The following FHOD3 variants were observed in gnomAD, a reference collection of about 807,000 sequenced individuals.
FHOD3 encodes FH1/FH2 domain-containing protein 3.
A neutral mutation model predicts 173.0 loss-of-function variants in FHOD3; 90 were observed. The ratio of observed to expected loss-of-function variants is 0.52; its 90% CI spans 0.44 to 0.62. The LOEUF is 0.62. Ranked by LOEUF, FHOD3 falls within the 20% of genes least tolerant of loss-of-function variation. The probability of loss-of-function intolerance (pLI) is 0.00; values close to 1 mark genes in which losing one functional copy is unlikely to be tolerated. For synonymous variants in FHOD3, 828 were observed against 823.0 expected, an observed-to-expected ratio of 1.01 and a Z score of -0.10; for missense variants, 1,945 against 2,034.7, an observed-to-expected ratio of 0.96 and a Z score of 0.85.
intron 10 of FHOD3, 103 bp from the exon 11 acceptor site, chr18:36,649,213 G>T: frequency 7.7e-6 from 5 of 649,194 alleles, no homozygotes; most frequent in Non-Finnish European, 1.3e-5. Flanking sequence ...TTTCGTTGTT[G>T]TTGTTGTTGT....
At chr18:36,672,752 G>T (rs1413602980) in intron 14 of FHOD3, among the ~76,000 whole-genome samples, 1 of 152,204 alleles carries the variant, frequency 6.6e-6, no homozygotes, top group Non-Finnish European at 1.5e-5. Flanking sequence ...GTCTGCTAAA[G>T]ATTTATTGTG....
At chr18:36,672,258 C>A (rs1269154600) in intron 14 of FHOD3, among the ~76,000 whole-genome samples, 1 of 152,196 alleles carries the variant, frequency 6.6e-6, no homozygotes, top group Non-Finnish European at 1.5e-5. Context: ...CTGTTTCAGT[C>A]AGCTTTTAAC....
intron 6 of FHOD3, among the ~76,000 whole-genome samples, chr18:36,591,628 A>T (rs1360024896): frequency 6.6e-6 from 1 of 152,186 alleles, no homozygotes; most frequent in African/African-American, 2.4e-5. Flanking sequence ...AAGGACGTGG[A>T]TAGAAAAGGC....
At chr18:36,425,934 T>G (rs2050218845) in intron 3 of FHOD3, among the ~76,000 whole-genome samples, 1 of 151,438 alleles carries the variant, frequency 6.6e-6, no homozygotes, top group Admixed American at 6.6e-5. Context: ...GAAATCTTGC[T>G]CTGTAGCCCA....
At chr18:36,538,487 A>T (rs1386621911) in intron 5 of FHOD3, among the ~76,000 whole-genome samples, 1 of 152,254 alleles carries the variant, frequency 6.6e-6, no homozygotes, top group Non-Finnish European at 1.5e-5. Context: ...GATAGGGTAT[A>T]TTCCTACAGA....
chr18:36,712,085 C>A (rs2040199664), intron 18 of FHOD3, among the ~76,000 whole-genome samples: 1 of 152,156 alleles, frequency 6.6e-6, no homozygotes, highest in African/African-American at 2.4e-5. Context: ...ACAGAAAGAT[C>A]CAGCAAGGAG....
chr18:36,536,663 G>A (rs1048813870), intron 5 of FHOD3, among the ~76,000 whole-genome samples: 4 of 152,290 alleles, frequency 2.6e-5, no homozygotes, highest in African/African-American at 7.2e-5. Context: ...GGCCTGAACA[G>A]CATCTGGTTA....
At chr18:36,680,091 TA>T (rs780962328) in intron 14 of FHOD3, among the ~76,000 whole-genome samples, 46 of 152,188 alleles carry the variant, frequency 3.0e-4, no homozygotes, top group Admixed American at 2.6e-4. Flanking sequence ...GGAAGATAAA[TA>T]AACTCTATCT....
chr18:36,674,943 T>C (rs2037754684), intron 14 of FHOD3, among the ~76,000 whole-genome samples: 1 of 152,218 alleles, frequency 6.6e-6, no homozygotes. Context: ...CTCAAAAAAT[T>C]GAACTTGAAA....
chr18:36,530,117 C>G (rs2056719102), intron 5 of FHOD3, among the ~76,000 whole-genome samples: 1 of 152,182 alleles, frequency 6.6e-6, no homozygotes. Context: ...TTAATGACTT[C>G]CCTTATCAGT....
chr18:36,549,532 C>CTTTTTTTTTTTTTT (rs386387404), intron 5 of FHOD3, among the ~76,000 whole-genome samples: 2 of 71,236 alleles, frequency 2.8e-5, no homozygotes, highest in African/African-American at 5.7e-5. Context: ...TCTAAGAAAT[C>CTTTTTTTTTTTTTT]TTTTTTTTTT....
At chr18:36,688,675 C>T (rs570822269) in intron 16 of FHOD3, among the ~76,000 whole-genome samples, 1 of 152,178 alleles carries the variant, frequency 6.6e-6, no homozygotes, top group Non-Finnish European at 1.5e-5. Context: ...AGTTCTCCCC[C>T]CAGATTCTGT....
intron 1 of FHOD3, among the ~76,000 whole-genome samples, chr18:36,345,711 GAA>G (rs995568501): frequency 6.6e-6 from 1 of 151,976 alleles, no homozygotes; most frequent in African/African-American, 2.4e-5. Context: ...TAGAGGTTAG[GAA>G]AAAACATGCC....
rs58982535 is a variant in FHOD3, at chr18:36,475,751, T to TACACACAC, written c.338-26144_338-26137dup. Among the ~76,000 whole-genome samples the TACACACAC allele has an allele frequency of 9.3e-4, 133 of 143,066 alleles. 1 individual carries two copies. Among genetic ancestry groups the TACACACAC allele is most frequent in the African/African-American group, 2.7e-3 (106 of 39,396 alleles). 93.9% of individuals were successfully genotyped at this position (143,066 alleles called of 152,430 possible). On this transcript the variant is annotated intron_variant, in intron 3 of 28. Transcript: ENST00000590592. ...GACTTTTACTTCATATATAGAAACA[T>TACACACAC]ACACACACACACACACACACACACA... is the stretch of plus-strand genomic sequence containing the variant.
chr18:36,468,297 G>A (rs1037203728), intron 3 of FHOD3, among the ~76,000 whole-genome samples: 1 of 152,184 alleles, frequency 6.6e-6, no homozygotes, highest in Non-Finnish European at 1.5e-5. Flanking sequence ...GCTGCCTGGA[G>A]GACAAGGCTG....
intron 6 of FHOD3, among the ~76,000 whole-genome samples, chr18:36,577,600 C>T (rs1321931860): frequency 6.6e-6 from 1 of 152,210 alleles, no homozygotes; most frequent in African/African-American, 2.4e-5. Context: ...CACATCCGGC[C>T]CATACTAGGT....
At chr18:36,736,774 C>A (rs995723364) in intron 20 of FHOD3, among the ~76,000 whole-genome samples, 1 of 152,132 alleles carries the variant, frequency 6.6e-6, no homozygotes, top group African/African-American at 2.4e-5. Flanking sequence ...AGGCAACACT[C>A]GAGTGGGAAA....
At chr18:36,631,355 CA>C (rs2148863824) in intron 10 of FHOD3, among the ~76,000 whole-genome samples, 1 of 152,226 alleles carries the variant, frequency 6.6e-6, no homozygotes, top group Admixed American at 6.5e-5. Flanking sequence ...AGCTATGTGC[CA>C]ATTTATATAT....
At chr18:36,759,240 A>G in intron 26 of FHOD3, 99 bp downstream of exon 26, 1 of 1,299,944 alleles carries the variant, frequency 7.7e-7, no homozygotes, top group Non-Finnish European at 1.1e-6. Context: ...AGCACCATTC[A>G]GTGCTTTAAA....
Sources: allele counts gnomAD v4.1 joint callset (sites outside exome capture counted in the v4.1 genomes callset), GRCh38; gene constraint gnomAD v4.1.1; transcripts MANE v1.5; gene names NCBI Gene and HGNC (gene_info 2026-07-23, HGNC 2026-07-21).